Variants in TTC39C observed in about 807,000 individuals in gnomAD.
TTC39C encodes tetratricopeptide repeat protein 39C.
Under a neutral mutation model 76.3 loss-of-function variants are expected in TTC39C, and 33 were observed. The ratio of observed to expected loss-of-function variants is 0.43; its 90% CI spans 0.33 to 0.58. The LOEUF (loss-of-function observed/expected upper bound fraction) is 0.58, where lower values mean the gene tolerates loss of function less well. TTC39C is among the 20% of genes least tolerant of loss of function. The pLI, the probability that TTC39C is intolerant of heterozygous loss-of-function variation, is 0.04. For synonymous variants in TTC39C, 254 were observed against 260.6 expected, an observed-to-expected ratio of 0.97 and a Z score of 0.24; for missense variants, 595 against 701.4, an observed-to-expected ratio of 0.85 and a Z score of 1.71.
At chr18:24,085,111 A>C (rs985779299) in intron 6 of TTC39C, among the ~76,000 whole-genome samples, 3 of 152,222 alleles carry the variant, frequency 2.0e-5, no homozygotes, top group Non-Finnish European at 2.9e-5. Flanking sequence ...ATTTATTACA[A>C]GGGGAAAGTA....
Position 24,026,989 on chromosome 18 carries a change from C to T in TTC39C, c.167+11951C>T, listed in dbSNP as rs886549418. Among the ~76,000 whole-genome samples the T allele has an allele frequency of 1.4e-4, 21 of 152,062 alleles. 1 individual carries two copies. The highest frequency in any genetic ancestry group is 6.5e-5 in the Admixed American group (1 of 15,272). ...AATTCAAGTTGAATTTGCTAAATGACGGAGAAACAATTAAGAAATCGGCTG... is the reference window on the plus strand; with the variant it reads ...AATTCAAGTTGAATTTGCTAAATGATGGAGAAACAATTAAGAAATCGGCTG... On this transcript the variant is annotated intron_variant, in intron 1 of 13. Transcript: ENST00000317571.
intron 1 of TTC39C, among the ~76,000 whole-genome samples, chr18:24,018,968 C>T (rs2083488302): frequency 1.3e-5 from 2 of 152,200 alleles, no homozygotes; most frequent in African/African-American, 2.4e-5. Context: ...CTCGTCAACT[C>T]ACTTTTCACC....
At chr18:24,111,660 C>T (rs1166994934) in intron 6 of TTC39C, among the ~76,000 whole-genome samples, 3 of 151,444 alleles carry the variant, frequency 2.0e-5, no homozygotes, top group Admixed American at 6.6e-5. Context: ...TTTGGGAAGC[C>T]GAGGTGGAAG....
Position 24,033,824 on chromosome 18 carries a change from C to T in TTC39C, c.167+18786C>T, listed in dbSNP as rs189012629. Among the ~76,000 whole-genome samples, 3 of 152,326 alleles carry T rather than the reference C, an allele frequency of 2.0e-5. No individual in the cohort carries two copies. In the East Asian group the frequency reaches 5.8e-4, roughly 29 times the overall value. On this transcript the variant is annotated intron_variant, in intron 1 of 13. Coordinates refer to ENST00000317571, the MANE Select transcript of TTC39C (RefSeq NM_001135993.2). ...GTCATTGCACCTCTGTTGTTCAGTT[C>T]ACAGACAGCAAAGAGTGTCCTTGTG...
chr18:24,031,363 G>A (rs1156766102), intron 1 of TTC39C, among the ~76,000 whole-genome samples: 4 of 152,182 alleles, frequency 2.6e-5, no homozygotes, highest in African/African-American at 4.8e-5. Context: ...GTCCTAGAGT[G>A]TATGCTGGTT....
intron 6 of TTC39C, chr18:24,114,163 CAATT>C (rs966679432): frequency 3.9e-6 from 1 of 254,084 alleles, no homozygotes; most frequent in Admixed American, 5.2e-5. Flanking sequence ...GATTAGCAAA[CAATT>C]AAAATCCAAC....
chr18:24,066,502 T>C (rs1269524844), intron 3 of TTC39C, among the ~76,000 whole-genome samples: 1 of 152,184 alleles, frequency 6.6e-6, no homozygotes, highest in Non-Finnish European at 1.5e-5. Context: ...AATTCAGCTG[T>C]TTACCTAATT....
intron 1 of TTC39C, among the ~76,000 whole-genome samples, chr18:24,052,241 G>A (rs183361426): frequency 4.6e-4 from 70 of 152,250 alleles, no homozygotes; most frequent in African/African-American, 1.5e-3. Context: ...CTCACTTTGC[G>A]TCACTGTTTA....
chr18:24,015,074 C>A, intron 1 of TTC39C, 36 bp downstream of exon 1: 1 of 1,383,052 alleles, frequency 7.2e-7, no homozygotes, highest in South Asian at 1.6e-5. Flanking sequence ...AACCCTGCAG[C>A]GCGCACCTCG....
intron 1 of TTC39C, among the ~76,000 whole-genome samples, chr18:24,023,988 A>ATC (rs2083559617): frequency 1.9e-4 from 1 of 5,156 alleles, no homozygotes. Context: ...ATACATATAT[A>ATC]TATATATATA....
At chr18:24,113,566 G>A (rs989570201) in intron 6 of TTC39C, 4 of 702,186 alleles carry the variant, frequency 5.7e-6, no homozygotes, top group African/African-American at 3.5e-5. Context: ...GTGTAGGGCA[G>A]TGAGAGGAGC....
chr18:24,060,815 A>G (rs2084089626), intron 1 of TTC39C, among the ~76,000 whole-genome samples: 1 of 152,210 alleles, frequency 6.6e-6, no homozygotes, highest in African/African-American at 2.4e-5. Context: ...GTCCAATAAG[A>G]ATATGATTAC....
At chr18:24,065,254 C>G (rs1027147694) in intron 2 of TTC39C, among the ~76,000 whole-genome samples, 3 of 152,206 alleles carry the variant, frequency 2.0e-5, no homozygotes, top group African/African-American at 7.2e-5. Flanking sequence ...CAAGATGGAG[C>G]TGGTGGAATT....
intron 1 of TTC39C, among the ~76,000 whole-genome samples, chr18:24,044,874 T>G (rs1410337943): frequency 1.3e-5 from 2 of 152,202 alleles, no homozygotes; most frequent in Non-Finnish European, 2.9e-5. Flanking sequence ...TTACCTAACT[T>G]GTTTAGAAAC....
rs548200876 is a variant in TTC39C, at chr18:24,015,013, T to A, written c.142T>A (p.Ser48Thr). 2.7e-6 allele frequency: 4 copies of A among 1,504,858 alleles called. No individual in the cohort carries two copies. The East Asian group carries it at 1.1e-4, about 41-fold the overall frequency. The allele number at this position is 1,504,858 out of a possible 1,614,324, so 93.2% of individuals were successfully genotyped here. A position where few individuals can be genotyped will look rare whatever the true frequency, so the allele number is the denominator to read the frequency against. ...GCTGCTCAACAACGGCTTCAGGGAG[T>A]CGGACCAGCTTTTCAAACAATACAG... is the stretch of plus-strand genomic sequence containing the variant. ...NMLLNNGFRE[S>T]DQLFKQYRNH... Residue 48 changes from serine (S) to threonine (T), a missense_variant, in exon 1 of 14, where the codon TCG becomes ACG. Coordinates refer to ENST00000317571, the MANE Select transcript of TTC39C (RefSeq NM_001135993.2).
At chr18:24,112,646 C>G (rs941817058) in intron 6 of TTC39C, among the ~76,000 whole-genome samples, 1 of 152,126 alleles carries the variant, frequency 6.6e-6, no homozygotes, top group Non-Finnish European at 1.5e-5. Flanking sequence ...TTTCTGTCCT[C>G]TGAAGGACAG....
intron 4 of TTC39C, among the ~76,000 whole-genome samples, chr18:24,073,445 C>T (rs2145745923): frequency 6.6e-6 from 1 of 152,264 alleles, no homozygotes; most frequent in African/African-American, 2.4e-5. Context: ...ACACCCCTAC[C>T]CCCTTTATCT....
At chr18:24,010,278 G>A (rs553352263), upstream of TTC39C, among the ~76,000 whole-genome samples, 9 of 152,276 alleles carry the variant, frequency 5.9e-5, no homozygotes, top group South Asian at 6.2e-4. Context: ...ATTTGGCTAC[G>A]GTTTGAACAG....
At chr18:24,107,494 G>C (rs1473396272) in intron 6 of TTC39C, among the ~76,000 whole-genome samples, 1 of 152,154 alleles carries the variant, frequency 6.6e-6, no homozygotes, top group African/African-American at 2.4e-5. Flanking sequence ...CACGGGGGCA[G>C]TTTCCCTCAT....
Sources: gnomAD v4.1 joint callset for allele counts (sites outside exome capture counted in the v4.1 genomes callset) on GRCh38, gnomAD v4.1.1 for gene constraint, MANE v1.5 for transcripts, NCBI Gene and HGNC (gene_info 2026-07-23, HGNC 2026-07-21) for gene names.